Variants in MYO5B observed in about 807,000 individuals in gnomAD.
MYO5B encodes unconventional myosin-Vb.
In MYO5B, 143 loss-of-function variants were observed where a neutral mutation model predicts 229.3. The ratio of observed to expected loss-of-function variants is 0.62; its 90% confidence interval spans 0.54 to 0.72. The LOEUF (loss-of-function observed/expected upper bound fraction) is 0.72, where lower values mean the gene tolerates loss of function less well. Among genes scored for constraint, MYO5B ranks in the 30% least tolerant of loss-of-function variants. The probability of loss-of-function intolerance (pLI) is 0.00; values close to 1 mark genes in which losing one functional copy is unlikely to be tolerated. For missense variants in MYO5B, 2,321 were observed against 2,331.0 expected, an observed-to-expected ratio of 1.00 and a Z score of 0.09; for synonymous variants, 918 against 885.2, an observed-to-expected ratio of 1.04 and a Z score of -0.66.
intron 21 of MYO5B, among the ~76,000 whole-genome samples, chr18:49,895,612 CT>C (rs764167595): frequency 1.9e-4 from 29 of 152,320 alleles, no homozygotes; most frequent in Non-Finnish European, 3.5e-4. Flanking sequence ...GAGTTGCAAT[CT>C]AATCGCTGGC....
intron 4 of MYO5B, among the ~76,000 whole-genome samples, chr18:50,011,797 A>G (rs991315799): frequency 5.9e-5 from 9 of 152,022 alleles, no homozygotes; most frequent in South Asian, 2.1e-4. Flanking sequence ...CTGCTGCTGG[A>G]AACATATTTC....
intron 27 of MYO5B, among the ~76,000 whole-genome samples, chr18:49,867,617 T>C (rs1208111528): frequency 2.6e-5 from 4 of 152,170 alleles, no homozygotes; most frequent in African/African-American, 2.4e-5. Flanking sequence ...TAAACGTCAG[T>C]CCATCCCTGG....
At chr18:50,097,432 G>A (rs982454462) in intron 1 of MYO5B, 2 of 356,646 alleles carry the variant, frequency 5.6e-6, no homozygotes, top group African/African-American at 4.2e-5. Context: ...AAACTTGTTT[G>A]GGCCACATAT....
At chr18:49,961,868 CTCTA>C (rs1248355309) in intron 12 of MYO5B, among the ~76,000 whole-genome samples, 1 of 152,196 alleles carries the variant, frequency 6.6e-6, no homozygotes, top group Non-Finnish European at 1.5e-5. Flanking sequence ...TGCCATGCAA[CTCTA>C]TCACTCACAA....
chr18:50,129,780 T>C (rs914042890), intron 1 of MYO5B, among the ~76,000 whole-genome samples: 1 of 152,178 alleles, frequency 6.6e-6, no homozygotes, highest in African/African-American at 2.4e-5. Context: ...AAAAATCCTC[T>C]ATACCTTGCA....
chr18:49,862,732 A>G (rs2024345883), intron 29 of MYO5B, among the ~76,000 whole-genome samples: 1 of 152,126 alleles, frequency 6.6e-6, no homozygotes, highest in African/African-American at 2.4e-5. Flanking sequence ...TTTGGCTAAG[A>G]CGGTGGAGGT....
intron 1 of MYO5B, among the ~76,000 whole-genome samples, chr18:50,142,578 C>T (rs1263123647): frequency 6.6e-6 from 1 of 152,164 alleles, no homozygotes; most frequent in Non-Finnish European, 1.5e-5. Context: ...TAGGGGATGT[C>T]TTCTGAATTC....
At chr18:49,937,981 G>A (rs1371672852) in intron 14 of MYO5B, among the ~76,000 whole-genome samples, 2 of 152,266 alleles carry the variant, frequency 1.3e-5, no homozygotes, top group African/African-American at 4.8e-5. Context: ...TCAAAAGGGT[G>A]AATTTTGTAA....
intron 1 of MYO5B, among the ~76,000 whole-genome samples, chr18:50,138,669 A>T (rs975344608): frequency 1.3e-5 from 2 of 152,120 alleles, no homozygotes; most frequent in Non-Finnish European, 2.9e-5. Flanking sequence ...AAAAAAAAGA[A>T]GTGAAATTAT....
chr18:50,080,756 T>C (rs529446420), intron 1 of MYO5B, among the ~76,000 whole-genome samples: 8 of 152,286 alleles, frequency 5.3e-5, no homozygotes, highest in African/African-American at 1.9e-4. Context: ...CATGCTGGGA[T>C]GGGACAAGCT....
intron 14 of MYO5B, among the ~76,000 whole-genome samples, chr18:49,951,270 C>G (rs1286574120): frequency 1.3e-5 from 2 of 152,200 alleles, no homozygotes; most frequent in East Asian, 3.8e-4. Context: ...ATAGCCATAA[C>G]TATATGCTAA....
chr18:50,046,637 T>C (rs2030234952), intron 2 of MYO5B, among the ~76,000 whole-genome samples: 1 of 152,218 alleles, frequency 6.6e-6, no homozygotes, highest in African/African-American at 2.4e-5. Flanking sequence ...TAAGTCCACT[T>C]ACCCTCACTA....
intron 7 of MYO5B, 93 bp from the exon 8 acceptor site, chr18:49,984,918 A>G: frequency 1.1e-6 from 1 of 897,506 alleles, no homozygotes. Context: ...TTAGCATGCT[A>G]TCCCAGACTA....
In MYO5B at chr18:49,992,219, G is replaced by A. The variant is rs1050967102; in HGVS notation, c.756+69C>T. On this transcript the variant is annotated intron_variant, in intron 6 of 39. Transcript: ENST00000285039. ...AGATTCTCTTTGGGTCCAGGGAGTG[G>A]GGCAGGGAGCAGAAGTAAGGTAATT... The A allele has an allele frequency of 1.9e-6, 3 of 1,596,978 alleles. No individual in the cohort carries two copies. In the African/African-American group the frequency reaches 4.0e-5, roughly 21 times the overall value.
At chr18:49,864,416 C>T (rs2024372606) in intron 27 of MYO5B, 36 bp from the exon 28 acceptor site, 3 of 1,610,338 alleles carry the variant, frequency 1.9e-6, no homozygotes, top group Non-Finnish European at 2.5e-6. Context: ...CCATTACTCC[C>T]TGCCCTAGGG....
intron 5 of MYO5B, among the ~76,000 whole-genome samples, chr18:50,000,191 G>T (rs1282471444): frequency 1.3e-5 from 2 of 152,186 alleles, no homozygotes; most frequent in Admixed American, 6.5e-5. Context: ...GCAGGTTCTT[G>T]TTTCCCTAAG....
intron 12 of MYO5B, among the ~76,000 whole-genome samples, chr18:49,958,137 C>A (rs1400732687): frequency 6.6e-6 from 1 of 152,190 alleles, no homozygotes. Context: ...CTGGATGAGA[C>A]CACACATCAA....
intron 9 of MYO5B, 46 bp downstream of exon 9, chr18:49,980,398 G>T: frequency 1.5e-6 from 2 of 1,319,880 alleles, no homozygotes; most frequent in Non-Finnish European, 2.2e-6. Context: ...TCAAAGAACA[G>T]GGTAAATTGT....
intron 14 of MYO5B, among the ~76,000 whole-genome samples, chr18:49,952,419 C>T (rs2025440054): frequency 6.7e-6 from 1 of 148,800 alleles, no homozygotes; most frequent in African/African-American, 2.5e-5. Context: ...TTTTAGAATG[C>T]CAGTGCACAC....
Sources: gnomAD v4.1 joint callset for allele counts (sites outside exome capture counted in the v4.1 genomes callset) on GRCh38, gnomAD v4.1.1 for gene constraint, MANE v1.5 for transcripts, NCBI Gene and HGNC (gene_info 2026-07-23, HGNC 2026-07-21) for gene names.